Variants in TCERG1L observed in about 807,000 individuals in gnomAD.
TCERG1L encodes transcription elongation regulator 1-like protein.
A neutral mutation model predicts 56.3 loss-of-function variants in TCERG1L; 37 were observed. The ratio of observed to expected loss-of-function variants is 0.66; its 90% CI spans 0.51 to 0.87. TCERG1L has a LOEUF of 0.87. Among genes scored for constraint, TCERG1L ranks in the 40% least tolerant of loss-of-function variants. The pLI, the probability that TCERG1L is intolerant of heterozygous loss-of-function variation, is 0.00. For missense variants in TCERG1L, 799 were observed against 774.2 expected (o/e 1.03, Z -0.38); for synonymous variants, 324 against 326.3 (o/e 0.99, Z 0.08).
intron 3 of TCERG1L, among the ~76,000 whole-genome samples, chr10:131,270,119 C>G (rs1001653387): frequency 1.3e-5 from 2 of 152,172 alleles, no homozygotes; most frequent in Non-Finnish European, 2.9e-5. Context: ...TTCTCTGCAC[C>G]CCACAGTCAG....
At chr10:131,166,197 T>C (rs866147250) in intron 5 of TCERG1L, among the ~76,000 whole-genome samples, 1 of 152,108 alleles carries the variant, frequency 6.6e-6, no homozygotes, top group African/African-American at 2.4e-5. Context: ...AGAAATACCT[T>C]GGAAAGGTGA....
chr10:131,232,051 C>T (rs1362811632), intron 4 of TCERG1L, among the ~76,000 whole-genome samples: 1 of 152,232 alleles, frequency 6.6e-6, no homozygotes. Context: ...AGTGTCTGCC[C>T]GCCCCAGAAG....
chr10:131,145,049 A>G (rs959409805), intron 7 of TCERG1L, among the ~76,000 whole-genome samples: 4 of 152,240 alleles, frequency 2.6e-5, no homozygotes, highest in Non-Finnish European at 5.9e-5. Context: ...ATTACTACCA[A>G]TTTTGGGAGG....
chr10:131,310,672 G>C (rs1243800241), intron 1 of TCERG1L, among the ~76,000 whole-genome samples: 1 of 152,184 alleles, frequency 6.6e-6, no homozygotes, highest in Non-Finnish European at 1.5e-5. Context: ...TAGTTCTAAA[G>C]TGCAGTGTGG....
intron 8 of TCERG1L, among the ~76,000 whole-genome samples, chr10:131,131,586 C>T (rs2133402042): frequency 6.6e-6 from 1 of 152,294 alleles, no homozygotes. Flanking sequence ...ACATATTTCT[C>T]CTCCGAGAGA....
Position 131,134,359 on chromosome 10 carries a change from G to T in TCERG1L, c.1259+20C>A. The T allele has an allele frequency of 6.4e-7, 1 of 1,570,916 alleles. No individual in the cohort carries two copies. The highest frequency in any genetic ancestry group is 1.9e-5 in the Admixed American group (1 of 53,868). ...TACACAGTAGGGAAAGATCTGCTGG[G>T]GAAGAGCACGGCCACCTACCGGTTC... On this transcript the variant is annotated intron_variant, in intron 8 of 11. Coordinates refer to ENST00000368642, the MANE Select transcript of TCERG1L (RefSeq NM_174937.4).
At chr10:131,150,440 G>A (rs1041819126) in intron 6 of TCERG1L, among the ~76,000 whole-genome samples, 16 of 152,340 alleles carry the variant, frequency 1.1e-4, no homozygotes, top group African/African-American at 3.4e-4. Context: ...TTATCCGGAA[G>A]CCAGAGGCCT....
chr10:131,284,253 G>T (rs1373995516), intron 3 of TCERG1L, among the ~76,000 whole-genome samples: 1 of 151,086 alleles, frequency 6.6e-6, no homozygotes, highest in Non-Finnish European at 1.5e-5. Context: ...ATAACAAAAA[G>T]AAAATTTTAA....
chr10:131,104,389 G>A (rs190076378), intron 9 of TCERG1L, 35 bp from the exon 10 acceptor site: 72 of 1,420,396 alleles, frequency 5.1e-5, no homozygotes, highest in South Asian at 1.7e-4. Flanking sequence ...TGCTGTTAGC[G>A]TCTAATGCTA....
At chr10:131,194,853 T>A (rs1292424918) in intron 4 of TCERG1L, among the ~76,000 whole-genome samples, 1 of 152,212 alleles carries the variant, frequency 6.6e-6, no homozygotes, top group Non-Finnish European at 1.5e-5. Context: ...CGGAAACATA[T>A]GCACATATTT....
chr10:131,131,015 C>G (rs1845612953), intron 8 of TCERG1L, among the ~76,000 whole-genome samples: 1 of 152,128 alleles, frequency 6.6e-6, no homozygotes, highest in Non-Finnish European at 1.5e-5. Flanking sequence ...ATTGGTGGGG[C>G]ATTCCCGTGA....
intron 8 of TCERG1L, among the ~76,000 whole-genome samples, chr10:131,127,014 T>G (rs959479728): frequency 3.3e-5 from 5 of 152,118 alleles, no homozygotes; most frequent in Non-Finnish European, 7.4e-5. Context: ...TTTTCTTGTC[T>G]CTACTTGCTG....
Position 131,146,620 on chromosome 10 carries a change from TGAA to T in TCERG1L, c.1072_1074del (p.Phe358del). 1.2e-6 allele frequency: 2 copies of T among 1,613,708 alleles called. No individual in the cohort carries two copies. Among genetic ancestry groups the T allele is most frequent in the Non-Finnish European group, 1.7e-6 (2 of 1,179,774 alleles). On this transcript the variant is annotated inframe_deletion, in exon 7 of 12. Coordinates refer to ENST00000368642, the MANE Select transcript of TCERG1L (RefSeq NM_174937.4). The stretch of plus-strand genomic sequence containing the variant: ...CAGACAGACAGGTGCATCGTTGGGT[TGAA>T]GAAGAAAACTCGGTCATCGCCCGTC...
chr10:131,278,502 TA>T (rs1227481317), intron 3 of TCERG1L, among the ~76,000 whole-genome samples: 1 of 151,654 alleles, frequency 6.6e-6, no homozygotes, highest in African/African-American at 2.4e-5. Flanking sequence ...GATGCCCAGC[TA>T]ATTTTTTTTT....
intron 7 of TCERG1L, among the ~76,000 whole-genome samples, chr10:131,144,740 T>C (rs1201388854): frequency 1.3e-5 from 2 of 152,336 alleles, no homozygotes; most frequent in Admixed American, 6.5e-5. Flanking sequence ...CAAAATACCA[T>C]ATCATGCTAA....
chr10:131,146,598 A>AC lies in TCERG1L; in HGVS notation c.1096dup (p.Val366GlyfsTer19). 3 of 1,613,930 alleles carry AC rather than the reference A, an allele frequency of 1.9e-6. No individual in the cohort carries two copies. Among genetic ancestry groups the AC allele is most frequent in the Non-Finnish European group, 2.5e-6 (3 of 1,179,856 alleles). Reference sequence around the variant, plus strand: ...CTTCAGGTCCATGGGCTTCTCCCAGACAGACAGGTGCATCGTTGGGTTGAA... The same window carrying AC: ...CTTCAGGTCCATGGGCTTCTCCCAGACCAGACAGGTGCATCGTTGGGTTGAA... On this transcript the variant is annotated frameshift_variant, in exon 7 of 12. Coordinates refer to ENST00000368642, the MANE Select transcript of TCERG1L (RefSeq NM_174937.4). LOFTEE classifies it high-confidence loss of function.
At chr10:131,259,786 C>T (rs770035225) in intron 4 of TCERG1L, among the ~76,000 whole-genome samples, 1 of 152,236 alleles carries the variant, frequency 6.6e-6, no homozygotes, top group African/African-American at 2.4e-5. Flanking sequence ...GGGACCCCAG[C>T]CCCTGTGTCC....
chr10:131,223,573 TAAAAC>T (rs72261809), intron 4 of TCERG1L, among the ~76,000 whole-genome samples: 8,787 of 152,078 alleles, frequency 0.058, 542 homozygotes, highest in East Asian at 0.25. Context: ...GCTACAAAAA[TAAAAC>T]AAAGCACATG....
chr10:131,115,517 G>A (rs1250884097), intron 9 of TCERG1L, among the ~76,000 whole-genome samples: 5 of 152,248 alleles, frequency 3.3e-5, no homozygotes, highest in Admixed American at 3.3e-4. Context: ...ATCCACACGC[G>A]CGCGTCCACG....
Sources: gnomAD v4.1 joint callset for allele counts (sites outside exome capture counted in the v4.1 genomes callset) on GRCh38, gnomAD v4.1.1 for gene constraint, MANE v1.5 for transcripts, NCBI Gene and HGNC (gene_info 2026-07-23, HGNC 2026-07-21) for gene names.